Variants in NRXN1 observed in about 807,000 individuals in gnomAD.
NRXN1 encodes neurexin-1.
In NRXN1, 39 loss-of-function variants were observed where a neutral mutation model predicts 150.9. The ratio of observed to expected loss-of-function variants is 0.26; its 90% confidence interval spans 0.20 to 0.34. The LOEUF (loss-of-function observed/expected upper bound fraction) is 0.34, where lower values mean the gene tolerates loss of function less well. Among genes scored for constraint, NRXN1 ranks in the 10% least tolerant of loss-of-function variants. The probability of loss-of-function intolerance (pLI) is 1.00; values close to 1 mark genes in which losing one functional copy is unlikely to be tolerated. For missense variants in NRXN1, 1,815 were observed against 1,949.9 expected, an observed-to-expected ratio of 0.93 and a Z score of 1.30; for synonymous variants, 924 against 757.0, an observed-to-expected ratio of 1.22 and a Z score of -3.62.
intron 5 of NRXN1, among the ~76,000 whole-genome samples, chr2:50,645,443 T>C (rs1296196466): frequency 6.6e-6 from 1 of 151,930 alleles, no homozygotes; most frequent in Non-Finnish European, 1.5e-5. Context: ...TTTAGTTTTC[T>C]TTCTATAAAT....
Position 50,979,633 on chromosome 2 carries a change from AG to A in NRXN1, c.772+47868del, listed in dbSNP as rs564684008. 1.9e-4 allele frequency among the ~76,000 whole-genome samples: 29 copies of A among 152,254 alleles called. No homozygotes were observed. In the East Asian group the frequency reaches 5.6e-3, roughly 29 times the overall value. On this transcript the variant is annotated intron_variant, in intron 2 of 22. Coordinates refer to ENST00000401669, the MANE Select transcript of NRXN1 (RefSeq NM_001330078.2). Reference sequence around the variant, plus strand: ...CACAAAATCACATACCAGACCATGCAGGGCTTGCTCTGTGTCTCAGTTAAAT... The same window carrying A: ...CACAAAATCACATACCAGACCATGCAGGCTTGCTCTGTGTCTCAGTTAAAT...
intron 5 of NRXN1, among the ~76,000 whole-genome samples, chr2:50,750,033 C>A (rs1406994464): frequency 1.3e-5 from 2 of 152,062 alleles, no homozygotes; most frequent in Admixed American, 1.3e-4. Flanking sequence ...AGCATGGATT[C>A]TCAGTCTTGT....
intron 18 of NRXN1, among the ~76,000 whole-genome samples, chr2:50,185,273 T>G (rs748567928): frequency 2.0e-5 from 3 of 152,042 alleles, no homozygotes; most frequent in Admixed American, 6.6e-5. Context: ...GACAATTTCT[T>G]TTTTCTCTAC....
chr2:50,684,425 C>A (rs1046715376), intron 5 of NRXN1, among the ~76,000 whole-genome samples: 3 of 151,938 alleles, frequency 2.0e-5, no homozygotes, highest in Admixed American at 2.0e-4. Context: ...TCTCTTGAGT[C>A]CAGGAGGTCA....
chr2:50,160,227 G>A (rs2152784904), intron 18 of NRXN1, among the ~76,000 whole-genome samples: 1 of 151,982 alleles, frequency 6.6e-6, no homozygotes, highest in East Asian at 1.9e-4. Flanking sequence ...TGCTAGTATT[G>A]ATGAAATGAC....
intron 17 of NRXN1, among the ~76,000 whole-genome samples, chr2:50,281,632 TGAG>T (rs1358778212): frequency 6.6e-6 from 1 of 152,108 alleles, no homozygotes; most frequent in Non-Finnish European, 1.5e-5. Flanking sequence ...AGGAAGGAAG[TGAG>T]GAGGTCCCCT....
At chr2:50,326,052 A>C (rs560273361) in intron 17 of NRXN1, among the ~76,000 whole-genome samples, 143 of 152,338 alleles carry the variant, frequency 9.4e-4, no homozygotes, top group African/African-American at 3.2e-3. Flanking sequence ...TAAGCATTTT[A>C]CTTCTTGCAT....
chr2:50,772,546 G>A (rs973925290), intron 5 of NRXN1, among the ~76,000 whole-genome samples: 1 of 151,960 alleles, frequency 6.6e-6, no homozygotes, highest in African/African-American at 2.4e-5. Context: ...GAGCTCCTGT[G>A]ATATATGAAA....
chr2:50,521,931 G>A (rs1054258166), intron 12 of NRXN1, among the ~76,000 whole-genome samples: 12 of 151,996 alleles, frequency 7.9e-5, no homozygotes, highest in Non-Finnish European at 7.4e-5. Flanking sequence ...TTTGTCCAAC[G>A]GGACAAGGAT....
intron 18 of NRXN1, among the ~76,000 whole-genome samples, chr2:50,162,086 T>G (rs1026592772): frequency 1.3e-5 from 2 of 152,094 alleles, no homozygotes; most frequent in African/African-American, 2.4e-5. Flanking sequence ...GAGATCAACT[T>G]TTTTACACAA....
At position 50,666,879 on chromosome 2, in the gene NRXN1, A is replaced by ATGTG. The variant is rs34096569; in HGVS notation, c.833-43268_833-43265dup. On this transcript the variant is annotated intron_variant, in intron 5 of 22. Transcript: ENST00000401669. ...GATGATGATGATGATGATGATGATG[A>ATGTG]TGTGTGTGTGTGTGTGTGTGTGTGT... Among the ~76,000 whole-genome samples, 776 of 107,854 alleles carry ATGTG rather than the reference A, an allele frequency of 7.2e-3. 4 individuals are homozygous for ATGTG. Among genetic ancestry groups the ATGTG allele is most frequent in the Middle Eastern group, 0.015 (3 of 206 alleles). 70.8% of individuals were successfully genotyped at this position (107,854 alleles called of 152,430 possible). A position where few individuals can be genotyped will look rare whatever the true frequency, so the allele number is the denominator to read the frequency against.
chr2:50,727,866 G>A (rs1320234859), intron 5 of NRXN1, among the ~76,000 whole-genome samples: 1 of 152,068 alleles, frequency 6.6e-6, no homozygotes, highest in East Asian at 1.9e-4. Context: ...GAGTTGGGCT[G>A]AAATCCTCAT....
At chr2:50,143,385 G>T (rs1250395849) in intron 18 of NRXN1, among the ~76,000 whole-genome samples, 1 of 151,858 alleles carries the variant, frequency 6.6e-6, no homozygotes, top group African/African-American at 2.4e-5. Context: ...TTATAGTTAT[G>T]TAAGAACACT....
intron 12 of NRXN1, among the ~76,000 whole-genome samples, chr2:50,510,927 T>A (rs1331780505): frequency 1.3e-5 from 2 of 152,086 alleles, no homozygotes; most frequent in Non-Finnish European, 2.9e-5. Context: ...AGGAGGGACA[T>A]GAGAAGTGTA....
rs370196265 is a variant in NRXN1, at chr2:50,238,178, A to G, written c.3365-1208T>C. ...TGGTGCACTAGTCTTACCTCAATGC[A>G]TCATTCATTGGCCACCCATTTTGGT... On this transcript the variant is annotated intron_variant, in intron 17 of 22. Transcript: ENST00000401669. Among the ~76,000 whole-genome samples, 47 of 152,178 alleles carry G rather than the reference A, an allele frequency of 3.1e-4. 1 individual carries two copies. The highest frequency in any genetic ancestry group is 1.1e-3 in the African/African-American group (46 of 41,568).
chr2:50,058,263 T>A (rs1693952232), intron 19 of NRXN1, among the ~76,000 whole-genome samples: 1 of 151,994 alleles, frequency 6.6e-6, no homozygotes, highest in African/African-American at 2.4e-5. Flanking sequence ...ACAACAACAA[T>A]AAAACAATTT....
At chr2:50,495,376 GT>G (rs1282927677) in intron 15 of NRXN1, among the ~76,000 whole-genome samples, 59 of 10,800 alleles carry the variant, frequency 5.5e-3, no homozygotes, top group Middle Eastern at 0.25. Context: ...GTGTGTGTGT[GT>G]GTGGTGTGTG....
intron 17 of NRXN1, among the ~76,000 whole-genome samples, chr2:50,269,185 C>A (rs929566233): frequency 3.3e-5 from 5 of 151,942 alleles, no homozygotes; most frequent in African/African-American, 1.2e-4. Flanking sequence ...ATATGGTAGG[C>A]AATTATTTCA....
chr2:50,875,353 C>G (rs1344123908), intron 5 of NRXN1, among the ~76,000 whole-genome samples: 1 of 151,620 alleles, frequency 6.6e-6, no homozygotes, highest in African/African-American at 2.4e-5. Context: ...TATGGAGATA[C>G]TAAGATTCTA....
Sources: allele counts gnomAD v4.1 joint callset (sites outside exome capture counted in the v4.1 genomes callset), GRCh38; gene constraint gnomAD v4.1.1; transcripts MANE v1.5; gene names NCBI Gene and HGNC (gene_info 2026-07-23, HGNC 2026-07-21).